The following HIVEP2 variants were observed in gnomAD, a reference collection of about 807,000 sequenced individuals.
HIVEP2 encodes HIVEP zinc finger 2.
HIVEP2 carries 14 observed loss-of-function variants against 180.7 expected under a neutral mutation model. The observed-to-expected ratio is 0.08, with a 90% CI of 0.05 to 0.12. The LOEUF is 0.12. HIVEP2 is among the 10% of genes least tolerant of loss of function. HIVEP2 has a pLI of 1.00. For missense variants in HIVEP2, 2,579 were observed against 3,008.5 expected (o/e 0.86, Z 3.34); for synonymous variants, 1,184 against 1,136.4 (o/e 1.04, Z -0.84).
chr6:142,793,673 T>TTTTCTCTCTCTCTCTCTC (rs1776207385), intron 2 of HIVEP2, among the ~76,000 whole-genome samples: 1 of 107,426 alleles, frequency 9.3e-6, no homozygotes, highest in African/African-American at 3.7e-5. Flanking sequence ...CTTTCTTTCT[T>TTTTCTCTCTCTCTCTCTC]TCTCTCTCTC....
intron 2 of HIVEP2, among the ~76,000 whole-genome samples, chr6:142,811,462 T>G (rs1776696428): frequency 6.6e-6 from 1 of 152,210 alleles, no homozygotes; most frequent in Non-Finnish European, 1.5e-5. Context: ...CCTATCATTT[T>G]GTGCAATGGC....
chr6:142,926,005 G>T (rs954707331), intron 1 of HIVEP2, among the ~76,000 whole-genome samples: 1 of 152,104 alleles, frequency 6.6e-6, no homozygotes, highest in Non-Finnish European at 1.5e-5. Flanking sequence ...CAGCTGATAC[G>T]ACTCTTCTTT....
chr6:142,875,266 G>A (rs1776404311), intron 1 of HIVEP2, among the ~76,000 whole-genome samples: 1 of 152,004 alleles, frequency 6.6e-6, no homozygotes, highest in African/African-American at 2.4e-5. Context: ...CAAAGACAGG[G>A]ACAAAAACAA....
chr6:142,888,885 C>A (rs957439472), intron 1 of HIVEP2, among the ~76,000 whole-genome samples: 5 of 152,182 alleles, frequency 3.3e-5, no homozygotes, highest in Non-Finnish European at 5.9e-5. Context: ...CCTCTTCTCC[C>A]AAACTATGCT....
intron 1 of HIVEP2, among the ~76,000 whole-genome samples, chr6:142,901,324 G>A (rs1777128394): frequency 6.6e-6 from 1 of 152,104 alleles, no homozygotes; most frequent in South Asian, 2.1e-4. Flanking sequence ...TAACCAGTAA[G>A]TATTTTCTCT....
At position 142,945,117 on chromosome 6, in the gene HIVEP2, C is replaced by T. The variant is rs1049427388; in HGVS notation, c.-659G>A. On this transcript the variant is annotated 5_prime_UTR_variant, in exon 1 of 10. Transcript: ENST00000367603. The surrounding 1 kb of genome is among the most constrained non-coding windows in gnomAD (Gnocchi z 5.5). ...CCGCTACCTGACAACGGGCCGCCGC[C>T]GGCCGCCGCAGCCGCAGCGGTGGCC... The T allele has an allele frequency of 4.7e-5, 7 of 148,534 alleles. No individual in the cohort carries two copies. Among genetic ancestry groups the T allele is most frequent in the African/African-American group, 1.7e-4 (7 of 41,004 alleles). The allele number at this position is 148,534 out of a possible 1,614,324, so 9.2% of individuals were successfully genotyped here.
At chr6:142,866,627 A>G (rs1412294524) in intron 1 of HIVEP2, among the ~76,000 whole-genome samples, 1 of 152,174 alleles carries the variant, frequency 6.6e-6, no homozygotes, top group Non-Finnish European at 1.5e-5. Flanking sequence ...TTTATAAGGC[A>G]GAATAGTAAT....
At chr6:142,791,575 A>G (rs1776139205) in intron 2 of HIVEP2, among the ~76,000 whole-genome samples, 1 of 152,224 alleles carries the variant, frequency 6.6e-6, no homozygotes, top group African/African-American at 2.4e-5. Context: ...CTGTCAGGCA[A>G]TTCCAGAATT....
At chr6:142,899,935 T>C (rs1318181218) in intron 1 of HIVEP2, among the ~76,000 whole-genome samples, 1 of 152,130 alleles carries the variant, frequency 6.6e-6, no homozygotes, top group Non-Finnish European at 1.5e-5. Flanking sequence ...AAGTTTTTGG[T>C]GAAATAAAAA....
At chr6:142,930,329 C>T (rs996290338) in intron 1 of HIVEP2, among the ~76,000 whole-genome samples, 1 of 152,194 alleles carries the variant, frequency 6.6e-6, no homozygotes, top group African/African-American at 2.4e-5. Flanking sequence ...TACCTACCTA[C>T]TTGCTTGCTT....
intron 1 of HIVEP2, among the ~76,000 whole-genome samples, chr6:142,928,396 C>A (rs759635316): frequency 2.2e-4 from 33 of 152,116 alleles, no homozygotes; most frequent in Non-Finnish European, 3.8e-4. Context: ...TGAAGTTCAT[C>A]CTCGGTTCTA....
rs758172881 is a variant in HIVEP2 at position 142,773,014 on chromosome 6, A to G, written c.1725T>C (p.Asp575=). ...TGCCCACGGTCCCTGGATAGAATAC[A>G]TCGTCGGAACCAGTCATCCTTTCAT... ...SFDERMTGSD[D]VFYPGTVGIP... Residue 575 remains aspartate, a synonymous_variant, in exon 5 of 10, where the codon GAT becomes GAC. Transcript: ENST00000367603. The G allele has an allele frequency of 3.1e-6, 5 of 1,614,184 alleles. No homozygotes were observed. The highest frequency in any genetic ancestry group is 4.5e-5 in the East Asian group (2 of 44,886).
At chr6:142,871,753 T>C (rs1562273289) in intron 1 of HIVEP2, among the ~76,000 whole-genome samples, 1 of 152,136 alleles carries the variant, frequency 6.6e-6, no homozygotes, top group Admixed American at 6.6e-5. Context: ...AATGACTTAG[T>C]TTGCCTATCC....
intron 1 of HIVEP2, among the ~76,000 whole-genome samples, chr6:142,895,592 T>C (rs1016026257): frequency 8.5e-5 from 13 of 152,358 alleles, no homozygotes; most frequent in Admixed American, 7.2e-4. Context: ...GGTTCTTCCA[T>C]TGAAGCCTTT....
At chr6:142,868,282 C>T (rs980948315) in intron 1 of HIVEP2, among the ~76,000 whole-genome samples, 7 of 152,152 alleles carry the variant, frequency 4.6e-5, no homozygotes, top group Admixed American at 3.9e-4. Context: ...GGAACAAATA[C>T]TTCCTTTTAC....
intron 1 of HIVEP2, among the ~76,000 whole-genome samples, chr6:142,855,640 A>G (rs1352036216): frequency 6.6e-6 from 1 of 152,210 alleles, no homozygotes; most frequent in Admixed American, 6.5e-5. Context: ...ATCTGCTGAG[A>G]TAGGTTTTGT....
intron 1 of HIVEP2, among the ~76,000 whole-genome samples, chr6:142,938,776 A>G (rs1294210345): frequency 6.6e-6 from 1 of 152,216 alleles, no homozygotes; most frequent in Non-Finnish European, 1.5e-5. Flanking sequence ...AAATAATAAG[A>G]GCTTCGATGA....
rs1778292795 is a variant in HIVEP2 at position 142,945,157 on chromosome 6, G to A, written c.-699C>T. The A allele has an allele frequency of 6.6e-6, 1 of 150,388 alleles. No individual in the cohort carries two copies. The highest frequency in any genetic ancestry group is 1.5e-5 in the Non-Finnish European group (1 of 67,582). 9.3% of individuals were successfully genotyped at this position (150,388 alleles called of 1,614,324 possible). A position where few individuals can be genotyped will look rare whatever the true frequency, so the allele number is the denominator to read the frequency against. On this transcript the variant is annotated 5_prime_UTR_variant, in exon 1 of 10. Transcript: ENST00000367603. This position sits in a 1 kb window ranked among gnomAD's most constrained non-coding sequence, Gnocchi z 5.5. Reference sequence around the variant, plus strand: ...CAGCGGTGGCCGGGCCGTGCGCGCCGGTGCACGTCGCTCATTAGTAAGCAG... The same window carrying A: ...CAGCGGTGGCCGGGCCGTGCGCGCCAGTGCACGTCGCTCATTAGTAAGCAG...
chr6:142,792,154 C>G (rs1265331184), intron 2 of HIVEP2, among the ~76,000 whole-genome samples: 1 of 152,116 alleles, frequency 6.6e-6, no homozygotes, highest in Non-Finnish European at 1.5e-5. Context: ...AGAGAGACAT[C>G]AGTGGTTCTG....
Sources: allele counts gnomAD v4.1 joint callset (sites outside exome capture counted in the v4.1 genomes callset), GRCh38; gene constraint gnomAD v4.1.1; non-coding constraint Gnocchi (gnomAD v3.1); transcripts MANE v1.5; gene names NCBI Gene and HGNC (gene_info 2026-07-23, HGNC 2026-07-21).